The following SPAST variants were observed in gnomAD, a reference collection of about 807,000 sequenced individuals.
SPAST encodes spastin.
In SPAST, 30 loss-of-function variants were observed where a neutral mutation model predicts 76.6. That is an observed-to-expected ratio of 0.39 (90% CI 0.29 to 0.53). The LOEUF (loss-of-function observed/expected upper bound fraction) is 0.53, where lower values mean the gene tolerates loss of function less well. Ranked by LOEUF, SPAST falls within the 20% of genes least tolerant of loss-of-function variation. The pLI, the probability that SPAST is intolerant of heterozygous loss-of-function variation, is 0.68. For synonymous variants in SPAST, 305 were observed against 281.0 expected (o/e 1.09, Z -0.86); for missense variants, 717 against 770.5 (o/e 0.93, Z 0.82).
intron 3 of SPAST, among the ~76,000 whole-genome samples, chr2:32,095,074 C>T (rs751645709): frequency 1.3e-5 from 2 of 152,120 alleles, no homozygotes; most frequent in African/African-American, 2.4e-5. Context: ...AAGGGTAGAA[C>T]CAGGGAGAGC....
chr2:32,135,088 C>A (rs1364535298), intron 9 of SPAST, among the ~76,000 whole-genome samples: 1 of 151,406 alleles, frequency 6.6e-6, no homozygotes, highest in East Asian at 2.0e-4. Flanking sequence ...AGGAGATGAT[C>A]TTTTGAGATT....
chr2:32,120,367 A>G (rs1028045251), intron 7 of SPAST, among the ~76,000 whole-genome samples: 45 of 152,142 alleles, frequency 3.0e-4, no homozygotes, highest in Admixed American at 1.9e-3. Flanking sequence ...GCTGGAGTAC[A>G]GTGAATATTT....
At chr2:32,089,666 T>A in intron 3 of SPAST, 61 bp downstream of exon 3, 3 of 898,710 alleles carry the variant, frequency 3.3e-6, no homozygotes, top group Non-Finnish European at 5.6e-6. Context: ...AATGAAACTT[T>A]AATTTGTAGA....
intron 7 of SPAST, among the ~76,000 whole-genome samples, chr2:32,120,014 ATTTC>A (rs1160894116): frequency 8.2e-4 from 123 of 149,378 alleles, no homozygotes; most frequent in African/African-American, 2.6e-3. Flanking sequence ...ATTTCCATGA[ATTTC>A]TTTCTTTCTT....
chr2:32,065,449 T>G (rs753961422), intron 1 of SPAST, among the ~76,000 whole-genome samples: 1 of 152,170 alleles, frequency 6.6e-6, no homozygotes, highest in Non-Finnish European at 1.5e-5. Flanking sequence ...TCACAATAAC[T>G]TTGTGAGATG....
At chr2:32,083,849 C>T (rs1028635392) in intron 1 of SPAST, among the ~76,000 whole-genome samples, 5 of 142,620 alleles carry the variant, frequency 3.5e-5, no homozygotes, top group African/African-American at 1.0e-4. Context: ...CTTGGCTTAC[C>T]GCAACCTCAA....
intron 1 of SPAST, among the ~76,000 whole-genome samples, chr2:32,074,106 G>A (rs576346351): frequency 1.3e-5 from 2 of 152,264 alleles, no homozygotes; most frequent in African/African-American, 2.4e-5. Context: ...ATTTGGGCTC[G>A]TTTATTTGGT....
intron 1 of SPAST, among the ~76,000 whole-genome samples, chr2:32,082,168 T>A (rs533960038): frequency 6.6e-6 from 1 of 151,366 alleles, no homozygotes; most frequent in Non-Finnish European, 1.5e-5. Context: ...AATGTTTGTA[T>A]TTTTAGTAGA....
chr2:32,070,853 T>G (rs1451060769), intron 1 of SPAST, among the ~76,000 whole-genome samples: 2 of 152,200 alleles, frequency 1.3e-5, no homozygotes, highest in East Asian at 3.8e-4. Flanking sequence ...TTGGTAAATA[T>G]TTTAATTGTT....
chr2:32,150,151 C>A (rs1680029583), intron 16 of SPAST, among the ~76,000 whole-genome samples: 1 of 149,518 alleles, frequency 6.7e-6, no homozygotes, highest in Admixed American at 6.7e-5. Context: ...CAGCTCACTG[C>A]AACCTCCGCC....
intron 4 of SPAST, among the ~76,000 whole-genome samples, chr2:32,114,256 T>G (rs192863397): frequency 6.6e-6 from 1 of 152,136 alleles, no homozygotes; most frequent in African/African-American, 2.4e-5. Context: ...AAAAAAAATT[T>G]TTAATTAGTC....
chr2:32,149,905 T>G (rs1239941668), intron 16 of SPAST, among the ~76,000 whole-genome samples: 1 of 152,060 alleles, frequency 6.6e-6, no homozygotes, highest in African/African-American at 2.4e-5. Context: ...TTTCCCTAAT[T>G]GCAGCAGCTG....
Position 32,064,056 on chromosome 2 carries a change from C to G in SPAST, c.225C>G (p.Phe75Leu), listed in dbSNP as rs971672853. The G allele has an allele frequency of 1.9e-6, 3 of 1,613,210 alleles. No homozygotes were observed. The highest frequency in any genetic ancestry group is 1.7e-6 in the Non-Finnish European group (2 of 1,179,498). The change falls in exon 1 of 17, where the codon TTC becomes TTG. Residue 75 changes from phenylalanine to leucine, a missense_variant. Coordinates refer to ENST00000315285, the MANE Select transcript of SPAST (RefSeq NM_014946.4). ...TCGCCTTCCACCTGGGGCTCCTCTT[C>G]GTGTGGCTCTGCCAGCGCTTCTCCC... ...RLVAFHLGLL[F>L]VWLCQRFSRA...
At chr2:32,084,508 G>A (rs959799769) in intron 1 of SPAST, among the ~76,000 whole-genome samples, 3 of 152,024 alleles carry the variant, frequency 2.0e-5, no homozygotes, top group Admixed American at 6.6e-5. Context: ...CTGCAGGTAT[G>A]CATTAGGGGA....
intron 1 of SPAST, among the ~76,000 whole-genome samples, chr2:32,078,896 G>C (rs1276447340): frequency 6.6e-6 from 1 of 152,040 alleles, no homozygotes; most frequent in Non-Finnish European, 1.5e-5. Context: ...TTGTCACCCA[G>C]GTTGGAGTGA....
At chr2:32,133,718 C>A (rs1446951979) in intron 9 of SPAST, among the ~76,000 whole-genome samples, 1 of 150,274 alleles carries the variant, frequency 6.7e-6, no homozygotes. Flanking sequence ...TCCACACCGT[C>A]TTCAAAATGT....
chr2:32,067,979 T>C (rs1359837042), intron 1 of SPAST, among the ~76,000 whole-genome samples: 1 of 151,420 alleles, frequency 6.6e-6, no homozygotes, highest in East Asian at 1.9e-4. Context: ...CTTTTCTCTT[T>C]TCTTTTTTTT....
chr2:32,137,269 A>T, intron 12 of SPAST, 81 bp downstream of exon 12: 2 of 1,119,470 alleles, frequency 1.8e-6, no homozygotes, highest in South Asian at 2.5e-5. Context: ...TTATTTCCTT[A>T]CTCTCAGTTT....
chr2:32,128,751 G>C (rs1679278759), intron 9 of SPAST: 2 of 437,224 alleles, frequency 4.6e-6, no homozygotes, highest in Admixed American at 7.1e-5. Flanking sequence ...AGTTGTGGAA[G>C]GTAGAAGTCT....
Sources: allele counts gnomAD v4.1 joint callset (sites outside exome capture counted in the v4.1 genomes callset), GRCh38; gene constraint gnomAD v4.1.1; transcripts MANE v1.5; gene names NCBI Gene and HGNC (gene_info 2026-07-23, HGNC 2026-07-21).